NEK6: variants seen among roughly 807,000 people sequenced by gnomAD.
The protein encoded by NEK6 is NIMA related kinase 6.
In NEK6, 27 loss-of-function variants were observed where a neutral mutation model predicts 43.5. That is an observed-to-expected ratio of 0.62 (90% confidence interval 0.46 to 0.86). The LOEUF is 0.86. Ranked by LOEUF, NEK6 falls within the 40% of genes least tolerant of loss-of-function variation. NEK6 has a pLI of 0.00. For missense variants in NEK6, 318 were observed against 414.4 expected, an observed-to-expected ratio of 0.77 and a Z score of 2.02; for synonymous variants, 167 against 164.1, an observed-to-expected ratio of 1.02 and a Z score of -0.14.
intron 1 of NEK6, among the ~76,000 whole-genome samples, chr9:124,288,792 C>T (rs1228840779): frequency 6.6e-6 from 1 of 152,008 alleles, no homozygotes; most frequent in Non-Finnish European, 1.5e-5. Flanking sequence ...GAGGCAGCAC[C>T]GAATTTGTAC....
chr9:124,290,641 G>A (rs1441165500), intron 1 of NEK6, among the ~76,000 whole-genome samples: 2 of 152,238 alleles, frequency 1.3e-5, no homozygotes, highest in Non-Finnish European at 2.9e-5. Context: ...GGGACCAGGG[G>A]CTGGGGCTGG....
chr9:124,326,201 A>T lies in NEK6; in HGVS notation c.406-129A>T. 2 of 178,468 alleles carry T rather than the reference A, an allele frequency of 1.1e-5. No individual in the cohort carries two copies. Among genetic ancestry groups the T allele is most frequent in the Non-Finnish European group, 1.3e-5 (1 of 77,460 alleles). The allele number at this position is 178,468 out of a possible 1,614,324, so 11.1% of individuals were successfully genotyped here. A position where few individuals can be genotyped will look rare whatever the true frequency, so the allele number is the denominator to read the frequency against. On this transcript the variant is annotated intron_variant, in intron 5 of 9. Coordinates refer to ENST00000320246, the MANE Select transcript of NEK6 (RefSeq NM_014397.6). This position sits in a 1 kb window ranked among gnomAD's most constrained non-coding sequence, Gnocchi z 4.5. ...GGCTTATTGTTTGCTCAGTGGCTCA[A>T]TCCCCCCCCCCCGCCCCTGCCAGGC...
At chr9:124,277,039 C>G (rs568049185) in intron 1 of NEK6, among the ~76,000 whole-genome samples, 1 of 152,238 alleles carries the variant, frequency 6.6e-6, no homozygotes, top group South Asian at 2.1e-4. Flanking sequence ...TGGAAAATGA[C>G]GGTGCTAAGG....
intron 7 of NEK6, among the ~76,000 whole-genome samples, chr9:124,336,456 T>C (rs1311473017): frequency 6.6e-6 from 1 of 152,180 alleles, no homozygotes; most frequent in African/African-American, 2.4e-5. Context: ...AAAAGTTACC[T>C]GTGTTTTTCC....
chr9:124,291,960 C>A, intron 1 of NEK6: 1 of 986,446 alleles, frequency 1.0e-6, no homozygotes, highest in Non-Finnish European at 1.2e-6. Context: ...AGACAGAGGC[C>A]CTTCTTCCTG....
chr9:124,273,850 G>A (rs1187113106), intron 1 of NEK6, among the ~76,000 whole-genome samples: 3 of 152,122 alleles, frequency 2.0e-5, no homozygotes, highest in Non-Finnish European at 4.4e-5. Flanking sequence ...GGCTTCTGCT[G>A]GCAAAAGCAG....
intron 1 of NEK6, among the ~76,000 whole-genome samples, chr9:124,278,916 A>G (rs1353330743): frequency 1.3e-5 from 2 of 152,156 alleles, no homozygotes; most frequent in African/African-American, 4.8e-5. Context: ...GGGGGGACCA[A>G]GCACGATCTC....
Position 124,295,804 on chromosome 9 carries a change from C to T in NEK6, c.-29-6132C>T, listed in dbSNP as rs569023091. Among the ~76,000 whole-genome samples the T allele has an allele frequency of 5.1e-4, 77 of 152,288 alleles. No individual in the cohort carries two copies. The South Asian group carries it at 0.014, about 28-fold the overall frequency. On this transcript the variant is annotated intron_variant, in intron 1 of 9. Coordinates refer to ENST00000320246, the MANE Select transcript of NEK6 (RefSeq NM_014397.6). ...GCATTCCTTACAGCCCCTGGGCTTGCGCTGAGTTTCTTTCTGTAATTGCTC... is the reference window on the plus strand; with the variant it reads ...GCATTCCTTACAGCCCCTGGGCTTGTGCTGAGTTTCTTTCTGTAATTGCTC...
intron 8 of NEK6, among the ~76,000 whole-genome samples, chr9:124,344,836 A>G (rs1245548540): frequency 6.6e-6 from 1 of 152,146 alleles, no homozygotes; most frequent in Non-Finnish European, 1.5e-5. Context: ...AGATCTGCGG[A>G]GCCTTGGCCG....
At chr9:124,258,919 C>G (rs1830917567) in intron 1 of NEK6, among the ~76,000 whole-genome samples, 1 of 152,250 alleles carries the variant, frequency 6.6e-6, no homozygotes. Context: ...AAATATCCTC[C>G]AGGCTCTCCT....
At chr9:124,322,187 C>T (rs907211707) in intron 5 of NEK6, among the ~76,000 whole-genome samples, 4 of 152,178 alleles carry the variant, frequency 2.6e-5, no homozygotes, top group Non-Finnish European at 5.9e-5. Flanking sequence ...AAGATGCTCT[C>T]CCCAGCCCTA....
At chr9:124,290,253 A>G (rs1003073213) in intron 1 of NEK6, among the ~76,000 whole-genome samples, 3 of 152,194 alleles carry the variant, frequency 2.0e-5, no homozygotes, top group Non-Finnish European at 4.4e-5. Context: ...GAGGCTGGTA[A>G]CGCCCACTAG....
At chr9:124,306,134 A>G (rs1833244860) in intron 2 of NEK6, among the ~76,000 whole-genome samples, 1 of 152,046 alleles carries the variant, frequency 6.6e-6, no homozygotes, top group South Asian at 2.1e-4. Flanking sequence ...GGGGCTGGAC[A>G]TGGGGAGAGA....
intron 8 of NEK6, among the ~76,000 whole-genome samples, chr9:124,344,175 A>G (rs1829797126): frequency 6.6e-6 from 1 of 152,174 alleles, no homozygotes. Flanking sequence ...GCTCCCTGTC[A>G]TGAGGGCTCT....
Position 124,343,644 on chromosome 9 carries a change from G to A in NEK6, c.717+3979G>A, listed in dbSNP as rs938453552. Among the ~76,000 whole-genome samples, 12 of 152,262 alleles carry A rather than the reference G, an allele frequency of 7.9e-5. No individual in the cohort carries two copies. Among genetic ancestry groups the A allele is most frequent in the East Asian group, 1.9e-4 (1 of 5,178 alleles). ...CCATGTAATTGGAAAGAGGCCTCCC[G>A]CAGTCACGCCCGGAGCCTCCCGCCC... On this transcript the variant is annotated intron_variant, in intron 8 of 9. Coordinates refer to ENST00000320246, the MANE Select transcript of NEK6 (RefSeq NM_014397.6). This position sits in a 1 kb window ranked among gnomAD's most constrained non-coding sequence, Gnocchi z 5.1.
intron 1 of NEK6, among the ~76,000 whole-genome samples, chr9:124,273,937 C>G (rs1213187501): frequency 6.6e-6 from 1 of 152,206 alleles, no homozygotes; most frequent in Non-Finnish European, 1.5e-5. Context: ...CACTTTCCTT[C>G]CCCACATGGC....
intron 8 of NEK6, among the ~76,000 whole-genome samples, chr9:124,345,535 A>G (rs531498243): frequency 3.2e-4 from 49 of 152,312 alleles, no homozygotes; most frequent in African/African-American, 1.1e-3. Context: ...TGGGGGCTCA[A>G]TGCTCCCCTC....
chr9:124,338,627 A>G (rs1324320122), intron 7 of NEK6, among the ~76,000 whole-genome samples: 9 of 152,214 alleles, frequency 5.9e-5, no homozygotes, highest in African/African-American at 1.7e-4. Flanking sequence ...ATTTCGGCCA[A>G]CCCGAGTCTG....
chr9:124,308,723 G>C (rs1833389831), intron 2 of NEK6, among the ~76,000 whole-genome samples: 1 of 151,614 alleles, frequency 6.6e-6, no homozygotes, highest in African/African-American at 2.4e-5. Context: ...AGTCAGCAGT[G>C]ATCACATTTG....
Sources: gnomAD v4.1 joint callset for allele counts (sites outside exome capture counted in the v4.1 genomes callset) on GRCh38, gnomAD v4.1.1 for gene constraint, Gnocchi (gnomAD v3.1) non-coding constraint, MANE v1.5 for transcripts, NCBI Gene and HGNC (gene_info 2026-07-23, HGNC 2026-07-21) for gene names.